The following CFAP100 variants were observed in gnomAD, a reference collection of about 807,000 sequenced individuals.
The protein encoded by CFAP100 is cilia and flagella associated protein 100.
Under a neutral mutation model 81.5 loss-of-function variants are expected in CFAP100, and 70 were observed. The observed-to-expected ratio is 0.86, with a 90% confidence interval of 0.71 to 1.05. CFAP100 has a LOEUF of 1.05. CFAP100 is among the 50% of genes least tolerant of loss of function. The pLI, the probability that CFAP100 is intolerant of heterozygous loss-of-function variation, is 0.00. For synonymous variants in CFAP100, 341 were observed against 314.8 expected, an observed-to-expected ratio of 1.08 and a Z score of -0.88; for missense variants, 811 against 776.5, an observed-to-expected ratio of 1.04 and a Z score of -0.53.
intron 2 of CFAP100, among the ~76,000 whole-genome samples, chr3:126,405,061 T>C (rs1034739446): frequency 2.6e-5 from 4 of 152,050 alleles, no homozygotes; most frequent in African/African-American, 9.7e-5. Context: ...TTCGGTGGCA[T>C]TGACCACATT....
intron 3 of CFAP100, 35 bp downstream of exon 3, chr3:126,407,287 G>GCCTCCTGCCAACTT: frequency 3.3e-6 from 5 of 1,492,756 alleles, no homozygotes; most frequent in Non-Finnish European, 3.7e-6. Flanking sequence ...AGTCCAAGTT[G>GCCTCCTGCCAACTT]GCAGGAGGCA....
In CFAP100 at chr3:126,401,394, A is replaced by ATTTT. The variant is rs1553787527; in HGVS notation, c.49+5346_49+5349dup. ...TCAATGGCATAAAATGGCAAATCGT[A>ATTTT]TTTTATATATATATATATATATATA... On this transcript the variant is annotated intron_variant, in intron 2 of 16. Coordinates refer to ENST00000352312, the MANE Select transcript of CFAP100 (RefSeq NM_182628.3). Among the ~76,000 whole-genome samples the ATTTT allele has an allele frequency of 5.3e-4, 43 of 80,934 alleles. 1 individual carries two copies. The highest frequency in any genetic ancestry group is 1.3e-3 in the South Asian group (3 of 2,378). The allele number at this position is 80,934 out of a possible 152,430, so 53.1% of individuals were successfully genotyped here.
chr3:126,410,892 C>A (rs2083143140), intron 3 of CFAP100, among the ~76,000 whole-genome samples: 1 of 152,232 alleles, frequency 6.6e-6, no homozygotes, highest in Non-Finnish European at 1.5e-5. Context: ...GCACAAATAG[C>A]TCATCTTACA....
chr3:126,430,830 C>T (rs749764455), intron 13 of CFAP100, among the ~76,000 whole-genome samples: 17 of 151,612 alleles, frequency 1.1e-4, no homozygotes, highest in Non-Finnish European at 2.4e-4. Context: ...TGTTTAGTTG[C>T]CTATCTGTGT....
Position 126,414,516 on chromosome 3 carries a change from C to A in CFAP100, c.225+337C>A, listed in dbSNP as rs2083204049. Among the ~76,000 whole-genome samples the A allele has an allele frequency of 2.0e-5, 3 of 152,332 alleles. No homozygotes were observed. The South Asian group carries it at 6.2e-4, about 32-fold the overall frequency. ...ATCCTCTCCTGACACTCTCCGGGTC[C>A]TCCAAGGCCCAGCTCAGCCCTCACA... On this transcript the variant is annotated intron_variant, in intron 4 of 16. Transcript: ENST00000352312.
intron 4 of CFAP100, among the ~76,000 whole-genome samples, chr3:126,415,574 A>T (rs2083222884): frequency 6.6e-6 from 1 of 151,998 alleles, no homozygotes; most frequent in African/African-American, 2.4e-5. Context: ...CTCAGGCTGG[A>T]CCCATTTGCC....
In CFAP100 at chr3:126,407,209, A is replaced by G. The variant is rs1046471259; in HGVS notation, c.87A>G (p.Ser29=). Reference sequence around the variant, plus strand: ...AATCCATGAACATCAGCTCTTCTTCAAGCACTGAAGAGAACCCAAAGAAAC... The same window carrying G: ...AATCCATGAACATCAGCTCTTCTTCGAGCACTGAAGAGAACCCAAAGAAAC... ...SLESMNISSS[S]STEENPKKQA... Residue 29 remains serine (S), a synonymous_variant, in exon 3 of 17, where the codon TCA becomes TCG. Transcript: ENST00000352312. The G allele has an allele frequency of 6.2e-7, 1 of 1,614,044 alleles. No homozygotes were observed. The highest frequency in any genetic ancestry group is 1.3e-5 in the African/African-American group (1 of 75,036).
chr3:126,423,053 G>A (rs919235287), intron 11 of CFAP100, among the ~76,000 whole-genome samples: 1 of 152,218 alleles, frequency 6.6e-6, no homozygotes, highest in East Asian at 1.9e-4. Context: ...CCCAGGACTG[G>A]GGCCTCTGGC....
intron 13 of CFAP100, among the ~76,000 whole-genome samples, chr3:126,428,412 C>G (rs1171839190): frequency 6.6e-6 from 1 of 152,154 alleles, no homozygotes; most frequent in Non-Finnish European, 1.5e-5. Context: ...AATGAAAATA[C>G]TGTGTATGAT....
At chr3:126,398,285 C>T (rs941518093) in intron 2 of CFAP100, among the ~76,000 whole-genome samples, 1 of 152,168 alleles carries the variant, frequency 6.6e-6, no homozygotes, top group African/African-American at 2.4e-5. Flanking sequence ...ACTGGGGTCG[C>T]GCGTGGACTT....
At chr3:126,432,898 C>A in intron 13 of CFAP100, 171 bp from the exon 14 acceptor site, 1 of 529,154 alleles carries the variant, frequency 1.9e-6, no homozygotes, top group South Asian at 4.6e-5. Context: ...TTTTCCCCTA[C>A]ATTCTACCAG....
chr3:126,419,482 G>C (rs975601504), intron 8 of CFAP100, among the ~76,000 whole-genome samples, 155 bp from the exon 9 acceptor site: 21 of 152,220 alleles, frequency 1.4e-4, no homozygotes, highest in African/African-American at 5.1e-4. Flanking sequence ...GTGGGTGCCT[G>C]TCTTCCAGCA....
At chr3:126,406,918 G>C (rs539291465) in intron 2 of CFAP100, among the ~76,000 whole-genome samples, 1 of 152,362 alleles carries the variant, frequency 6.6e-6, no homozygotes, top group East Asian at 1.9e-4. Context: ...TGAAGGATGG[G>C]AAAGGGGAGG....
chr3:126,415,933 C>T (rs1003063942), intron 4 of CFAP100, among the ~76,000 whole-genome samples: 1 of 152,236 alleles, frequency 6.6e-6, no homozygotes, highest in Non-Finnish European at 1.5e-5. Context: ...ACTACACAGT[C>T]GTAGTCTTCG....
At chr3:126,416,016 A>G (rs1226501867) in intron 4 of CFAP100, among the ~76,000 whole-genome samples, 2 of 152,172 alleles carry the variant, frequency 1.3e-5, no homozygotes, top group African/African-American at 2.4e-5. Context: ...TTAAATGTGG[A>G]TTTCGGAGAA....
At chr3:126,423,304 G>A (rs781734447) in intron 11 of CFAP100, 21 bp from the exon 12 acceptor site, 79 of 1,607,444 alleles carry the variant, frequency 4.9e-5, no homozygotes, top group Admixed American at 2.0e-4. Flanking sequence ...CCAGAGTCCC[G>A]ACCCTGCCAT....
intron 2 of CFAP100, among the ~76,000 whole-genome samples, chr3:126,405,961 G>C (rs540498854): frequency 2.0e-4 from 31 of 152,078 alleles, no homozygotes; most frequent in Non-Finnish European, 3.8e-4. Flanking sequence ...TTTCTAATAG[G>C]GTTTTGGTTT....
Position 126,414,144 on chromosome 3 carries a change from T to C in CFAP100, c.190T>C (p.Leu64=). ...CTTATCTGGGGATGTGGATTTCTTC[T>C]TGCTCAGAGATCAGGAGCGGAATAA... is the stretch of plus-strand genomic sequence containing the variant. ...FHLSGDVDFF[L]LRDQERNKAL... The change falls in exon 4 of 17, where the codon TTG becomes CTG. Residue 64 remains leucine, a synonymous_variant. Coordinates refer to ENST00000352312, the MANE Select transcript of CFAP100 (RefSeq NM_182628.3). 1.2e-6 allele frequency: 2 copies of C among 1,614,136 alleles called. No individual in the cohort carries two copies. Among genetic ancestry groups the C allele is most frequent in the East Asian group, 2.2e-5 (1 of 44,880 alleles).
At chr3:126,433,353 GCCA>G (rs1045143713) in intron 14 of CFAP100, 149 bp downstream of exon 14, 6 of 885,832 alleles carry the variant, frequency 6.8e-6, no homozygotes, top group South Asian at 3.4e-5. Flanking sequence ...CCCTCCAGGA[GCCA>G]CCACATGTAT....
Sources: gnomAD v4.1 joint callset for allele counts (sites outside exome capture counted in the v4.1 genomes callset) on GRCh38, gnomAD v4.1.1 for gene constraint, MANE v1.5 for transcripts, NCBI Gene and HGNC (gene_info 2026-07-23, HGNC 2026-07-21) for gene names.